The following ABCC5 variants were observed in gnomAD, a reference collection of about 807,000 sequenced individuals.
The protein encoded by ABCC5 is ATP binding cassette subfamily C member 5.
In ABCC5, 61 loss-of-function variants were observed where a neutral mutation model predicts 160.9. That is an observed-to-expected ratio of 0.38 (90% CI 0.31 to 0.47). The LOEUF (loss-of-function observed/expected upper bound fraction) is 0.47, where lower values mean the gene tolerates loss of function less well. Ranked by LOEUF, ABCC5 falls within the 20% of genes least tolerant of loss-of-function variation. The probability of loss-of-function intolerance (pLI) is 0.99; values close to 1 mark genes in which losing one functional copy is unlikely to be tolerated. For missense variants in ABCC5, 1,308 were observed against 1,813.3 expected (o/e 0.72, Z 5.06); for synonymous variants, 666 against 700.6 (o/e 0.95, Z 0.78).
intron 17 of ABCC5, among the ~76,000 whole-genome samples, chr3:183,958,322 C>T (rs1352280578): frequency 6.6e-6 from 1 of 152,206 alleles, no homozygotes; most frequent in Non-Finnish European, 1.5e-5. Context: ...CCTCTTTACA[C>T]AAATAATGTT....
chr3:183,998,475 C>T (rs35740940), intron 2 of ABCC5, among the ~76,000 whole-genome samples: 39 of 152,068 alleles, frequency 2.6e-4, no homozygotes, highest in African/African-American at 7.7e-4. Context: ...ACCAACATAG[C>T]ATGTACTATG....
chr3:183,956,557 C>T (rs1716005534), intron 17 of ABCC5, among the ~76,000 whole-genome samples: 1 of 149,718 alleles, frequency 6.7e-6, no homozygotes. Context: ...ACATCGGTTA[C>T]ATGCAGATCA....
intron 24 of ABCC5, among the ~76,000 whole-genome samples, chr3:183,944,128 C>G (rs1419422823): frequency 6.6e-6 from 1 of 152,224 alleles, no homozygotes; most frequent in Non-Finnish European, 1.5e-5. Flanking sequence ...CACTATGGCT[C>G]CTGTCTATAA....
intron 5 of ABCC5, chr3:183,984,861 C>T: frequency 6.3e-7 from 1 of 1,585,874 alleles, no homozygotes; most frequent in African/African-American, 1.3e-5. Context: ...TTCCCACACA[C>T]CTCGGCACTG....
intron 2 of ABCC5, among the ~76,000 whole-genome samples, chr3:183,991,316 AC>A (rs879726942): frequency 9.2e-5 from 14 of 151,638 alleles, no homozygotes; most frequent in Non-Finnish European, 1.2e-4. Context: ...GAAAAAAAAA[AC>A]AAAAAACAAA....
intron 27 of ABCC5, among the ~76,000 whole-genome samples, chr3:183,928,489 C>T (rs111942549): frequency 0.014 from 2,157 of 152,324 alleles, 54 homozygotes; most frequent in African/African-American, 0.049. Context: ...AAAAGCATCA[C>T]TTAATTCTAA....
At chr3:184,002,718 C>A (rs945404801) in intron 2 of ABCC5, among the ~76,000 whole-genome samples, 12 of 152,214 alleles carry the variant, frequency 7.9e-5, no homozygotes, top group Non-Finnish European at 5.9e-5. Flanking sequence ...TTCCCCTGCA[C>A]GGAGGCCTCT....
intron 2 of ABCC5, among the ~76,000 whole-genome samples, chr3:184,012,595 C>G (rs1047368405): frequency 3.9e-5 from 6 of 152,194 alleles, no homozygotes; most frequent in African/African-American, 1.4e-4. Context: ...AGCCTCCCCA[C>G]CTAATCACCC....
At chr3:183,946,823 G>C (rs1269523275) in intron 23 of ABCC5, among the ~76,000 whole-genome samples, 2 of 152,086 alleles carry the variant, frequency 1.3e-5, no homozygotes, top group African/African-American at 4.8e-5. Flanking sequence ...TATCTAGTCA[G>C]TGCTCAAGTT....
intron 2 of ABCC5, among the ~76,000 whole-genome samples, chr3:183,989,592 C>CTTT (rs10670556): frequency 3.4e-4 from 49 of 145,540 alleles, no homozygotes; most frequent in South Asian, 1.3e-3. Context: ...AAACAGTTTT[C>CTTT]TTTTTTTTTT....
chr3:183,982,454 T>C lies in ABCC5; in HGVS notation c.996A>G (p.Ala332=), dbSNP rs1718831139. The C allele has an allele frequency of 1.2e-6, 2 of 1,613,568 alleles. No individual in the cohort carries two copies. Among genetic ancestry groups the C allele is most frequent in the Admixed American group, 3.3e-5 (2 of 59,990 alleles). ...GSAVFILFYP[A]MMFASRLTAY... is the part of the protein sequence containing the mutation. Reference sequence around the variant, plus strand: ...TTCAGCTGGGAGGCTTACTCACCATTGCTGGGTAAAAGAGGATAAAAACAG... The same window carrying C: ...TTCAGCTGGGAGGCTTACTCACCATCGCTGGGTAAAAGAGGATAAAAACAG... Residue 332 remains alanine (A), a synonymous_variant, in exon 7 of 30, where the codon GCA becomes GCG. Coordinates refer to ENST00000334444, the MANE Select transcript of ABCC5 (RefSeq NM_005688.4). The surrounding 1 kb of genome is among the most constrained non-coding windows in gnomAD (Gnocchi z 5.2).
chr3:184,012,577 G>A lies in ABCC5; in HGVS notation c.129+1687C>T, dbSNP rs183814677. On this transcript the variant is annotated intron_variant, in intron 2 of 29. Transcript: ENST00000334444. ...ATACCTTTGGGTCTGTACTTGTACCGCCTAAAAAGCCTCCCCACCTAATCA... is the reference window on the plus strand; with the variant it reads ...ATACCTTTGGGTCTGTACTTGTACCACCTAAAAAGCCTCCCCACCTAATCA... Among the ~76,000 whole-genome samples the A allele has an allele frequency of 4.1e-4, 62 of 152,168 alleles. No homozygotes were observed. In the Middle Eastern group the frequency reaches 0.017, roughly 42 times the overall value.
At chr3:183,941,012 C>T (rs528791589) in intron 25 of ABCC5, among the ~76,000 whole-genome samples, 1 of 152,158 alleles carries the variant, frequency 6.6e-6, no homozygotes, top group Non-Finnish European at 1.5e-5. Flanking sequence ...GCATCCACCA[C>T]CACGCCCAGC....
chr3:183,958,360 T>A (rs1229100462), intron 17 of ABCC5, among the ~76,000 whole-genome samples: 1 of 152,232 alleles, frequency 6.6e-6, no homozygotes, highest in Non-Finnish European at 1.5e-5. Context: ...GCCTCCCTCA[T>A]GCCTTGAGCA....
intron 10 of ABCC5, among the ~76,000 whole-genome samples, chr3:183,972,229 C>A (rs60835160): frequency 8.0e-4 from 122 of 152,274 alleles, no homozygotes; most frequent in African/African-American, 2.8e-3. Flanking sequence ...CTGACTGGCA[C>A]GTAGCCCCTT....
chr3:183,937,991 C>G lies in ABCC5; in HGVS notation c.3764G>C (p.Gly1255Ala), dbSNP rs551967430. Residue 1255 changes from glycine to alanine, a missense_variant, in exon 26 of 30, where the codon GGA (glycine) becomes GCA (alanine). By Grantham distance (60) the Gly-to-Ala change is moderately conservative. Around this residue, in one of 3 missense-constraint regions of ABCC5, gnomAD observed 163 missense variants for 269.7 expected, o/e 0.60. Transcript: ENST00000334444. ...AAGGCCAATATCACTGATTCTCACT[C>G]CATCAATCTTGATGCAGCCTCCAGA... Reference protein sequence around the residue: ...ELSGGCIKIDGVRISDIGLAD... With the variant: ...ELSGGCIKIDAVRISDIGLAD... 3 of 1,614,198 alleles carry G rather than the reference C, an allele frequency of 1.9e-6. No homozygotes were observed. The highest frequency in any genetic ancestry group is 2.5e-6 in the Non-Finnish European group (3 of 1,180,042).
intron 15 of ABCC5, 66 bp from the exon 16 acceptor site, chr3:183,961,720 T>C (rs1017401064): frequency 1.3e-6 from 2 of 1,574,294 alleles, no homozygotes; most frequent in Non-Finnish European, 1.7e-6. Flanking sequence ...ACCCATACAT[T>C]AGTTCAGTAG....
Position 183,985,023 on chromosome 3 carries a change from G to C in ABCC5, c.592-2016C>G, listed in dbSNP as rs961468051. On this transcript the variant is annotated intron_variant, in intron 5 of 29. Transcript: ENST00000334444. ...GAGCAGGGAAGGTAAAAGACATAGTGAATGTTTACACTATGCGAAACTTTC... is the reference window on the plus strand; with the variant it reads ...GAGCAGGGAAGGTAAAAGACATAGTCAATGTTTACACTATGCGAAACTTTC... The C allele has an allele frequency of 2.0e-5, 16 of 811,284 alleles. No homozygotes were observed. The East Asian group carries it at 3.2e-4, about 16-fold the overall frequency. 50.3% of individuals were successfully genotyped at this position (811,284 alleles called of 1,614,324 possible).
At chr3:184,013,775 G>T (rs900447708) in intron 2 of ABCC5, among the ~76,000 whole-genome samples, 4 of 152,190 alleles carry the variant, frequency 2.6e-5, no homozygotes, top group African/African-American at 9.7e-5. Context: ...GGGTGAGAGG[G>T]TGACAGCCAG....
Sources: gnomAD v4.1 joint callset for allele counts (sites outside exome capture counted in the v4.1 genomes callset) on GRCh38, gnomAD v4.1.1 for gene constraint, gnomAD v4.1.1 regional missense constraint, Gnocchi (gnomAD v3.1) non-coding constraint, MANE v1.5 for transcripts, NCBI Gene and HGNC (gene_info 2026-07-23, HGNC 2026-07-21) for gene names.